CAMTA1: variants seen among roughly 807,000 people sequenced by gnomAD.
The protein encoded by CAMTA1 is calmodulin binding transcription activator 1.
A neutral mutation model predicts 170.9 loss-of-function variants in CAMTA1; 27 were observed. The observed-to-expected ratio is 0.16, with a 90% CI of 0.12 to 0.22. The LOEUF is 0.22. Among genes scored for constraint, CAMTA1 ranks in the 10% least tolerant of loss-of-function variants. CAMTA1 has a pLI of 1.00. For synonymous variants in CAMTA1, 833 were observed against 891.5 expected, an observed-to-expected ratio of 0.93 and a Z score of 1.17; for missense variants, 1,619 against 2,217.2, an observed-to-expected ratio of 0.73 and a Z score of 5.42.
intron 6 of CAMTA1, among the ~76,000 whole-genome samples, chr1:7,624,482 C>T (rs111235891): frequency 6.0e-4 from 92 of 152,338 alleles, no homozygotes; most frequent in African/African-American, 2.1e-3. Flanking sequence ...CCAGTAAATT[C>T]GCATGCAGAA....
chr1:7,333,587 T>A lies in CAMTA1; in HGVS notation c.438+83961T>A, dbSNP rs763096255. Among the ~76,000 whole-genome samples, 4 of 152,152 alleles carry A rather than the reference T, an allele frequency of 2.6e-5. No homozygotes were observed. Among genetic ancestry groups the A allele is most frequent in the Non-Finnish European group, 5.9e-5 (4 of 68,012 alleles). On this transcript the variant is annotated intron_variant, in intron 5 of 22. Coordinates refer to ENST00000303635, the MANE Select transcript of CAMTA1 (RefSeq NM_015215.4). The surrounding 1 kb of genome is among the most constrained non-coding windows in gnomAD (Gnocchi z 4.4). Reference sequence around the variant, plus strand: ...TCATATTGGATCCAGGAAGACAACTTTGTGAAAGGAAAAGGCTGAGGGGCT... The same window carrying A: ...TCATATTGGATCCAGGAAGACAACTATGTGAAAGGAAAAGGCTGAGGGGCT...
chr1:6,961,977 C>T (rs944888685), intron 3 of CAMTA1, among the ~76,000 whole-genome samples: 1 of 152,242 alleles, frequency 6.6e-6, no homozygotes, highest in African/African-American at 2.4e-5. Context: ...AGTCCAGCGT[C>T]TTCCGGTATG....
At chr1:7,011,243 C>T (rs1281317494) in intron 3 of CAMTA1, among the ~76,000 whole-genome samples, 3 of 152,256 alleles carry the variant, frequency 2.0e-5, no homozygotes, top group East Asian at 1.9e-4. Flanking sequence ...TCGCTCTTTT[C>T]GCCGAGACTG....
Position 7,523,617 on chromosome 1 carries a change from G to C in CAMTA1, c.510+55716G>C, listed in dbSNP as rs145808926. ...TTTTTGGCCGGGTGCGGTGGCTCAC[G>C]CCTATAATCCCAGCACTTTGGGAGG... On this transcript the variant is annotated intron_variant, in intron 6 of 22. Transcript: ENST00000303635. Among the ~76,000 whole-genome samples, 192 of 152,194 alleles carry C rather than the reference G, an allele frequency of 1.3e-3. 1 individual carries two copies. Among genetic ancestry groups the C allele is most frequent in the African/African-American group, 4.2e-3 (173 of 41,520 alleles).
intron 5 of CAMTA1, among the ~76,000 whole-genome samples, chr1:7,375,505 A>G (rs946095257): frequency 6.6e-6 from 1 of 152,180 alleles, no homozygotes; most frequent in African/African-American, 2.4e-5. Context: ...GCGGACGCAC[A>G]TGGTGTGTTG....
At chr1:6,951,119 A>G (rs1339325231) in intron 3 of CAMTA1, among the ~76,000 whole-genome samples, 1 of 152,198 alleles carries the variant, frequency 6.6e-6, no homozygotes, top group Non-Finnish European at 1.5e-5. Context: ...ATAGGACCCA[A>G]GACAGGTCCT....
At chr1:7,185,592 G>A (rs114537997) in intron 4 of CAMTA1, among the ~76,000 whole-genome samples, 2,813 of 152,248 alleles carry the variant, frequency 0.018, 45 homozygotes, top group Middle Eastern at 0.054. Flanking sequence ...TTTCAAAGGG[G>A]GAATTACAAT....
intron 3 of CAMTA1, chr1:6,852,977 T>C (rs1660988837): frequency 1.4e-5 from 1 of 69,154 alleles, no homozygotes; most frequent in Non-Finnish European, 3.3e-5. Context: ...TCTGCTCTTC[T>C]TACTACCGTG....
intron 3 of CAMTA1, among the ~76,000 whole-genome samples, chr1:6,929,972 C>T (rs750046168): frequency 3.0e-4 from 46 of 152,238 alleles, no homozygotes; most frequent in East Asian, 9.6e-4. Flanking sequence ...TGGTCTTGAC[C>T]GTGCTCTCGT....
At chr1:6,995,295 CTTTTTTTT>C (rs765139922) in intron 3 of CAMTA1, among the ~76,000 whole-genome samples, 1 of 60,624 alleles carries the variant, frequency 1.6e-5, no homozygotes, top group Non-Finnish European at 2.9e-5. Context: ...TTTTTCTTTT[CTTTTTTTT>C]TTTTTTTTTT....
intron 11 of CAMTA1, among the ~76,000 whole-genome samples, chr1:7,717,175 G>A (rs146791137): frequency 2.2e-4 from 34 of 152,218 alleles, no homozygotes; most frequent in Admixed American, 7.8e-4. Flanking sequence ...TTAGACAGGA[G>A]GAATCAGTTC....
chr1:6,988,255 A>T (rs1017671734), intron 3 of CAMTA1, among the ~76,000 whole-genome samples: 1 of 152,094 alleles, frequency 6.6e-6, no homozygotes, highest in African/African-American at 2.4e-5. Flanking sequence ...ACGCTCCGAA[A>T]GCTGGTGCTG....
At chr1:7,095,533 T>A (rs1272211136) in intron 4 of CAMTA1, among the ~76,000 whole-genome samples, 3 of 152,232 alleles carry the variant, frequency 2.0e-5, no homozygotes, top group Non-Finnish European at 4.4e-5. Flanking sequence ...GAACTGGAAC[T>A]TGAACCCAGT....
At chr1:7,139,876 G>A (rs747206212) in intron 4 of CAMTA1, among the ~76,000 whole-genome samples, 1 of 152,144 alleles carries the variant, frequency 6.6e-6, no homozygotes, top group African/African-American at 2.4e-5. Flanking sequence ...TTTTATTTTA[G>A]TCCATCAGGG....
intron 5 of CAMTA1, among the ~76,000 whole-genome samples, chr1:7,276,299 A>ATTTTTTTTTTTTTT (rs1440153127): frequency 9.3e-5 from 2 of 21,398 alleles, no homozygotes; most frequent in Non-Finnish European, 1.3e-4. Flanking sequence ...ATATATATAT[A>ATTTTTTTTTTTTTT]TATATTTTTT....
intron 14 of CAMTA1, 109 bp from the exon 15 acceptor site, chr1:7,737,146 C>T (rs1303708394): frequency 3.7e-6 from 5 of 1,339,832 alleles, no homozygotes; most frequent in Non-Finnish European, 5.3e-6. Flanking sequence ...TCAATGGCCC[C>T]ACCGAGATTG....
At chr1:7,015,051 A>G (rs1253226539) in intron 3 of CAMTA1, among the ~76,000 whole-genome samples, 4 of 152,212 alleles carry the variant, frequency 2.6e-5, no homozygotes, top group African/African-American at 9.7e-5. Context: ...ATTCTTTCTC[A>G]GAACAGATGC....
At chr1:7,715,515 C>G (rs986953336) in intron 11 of CAMTA1, among the ~76,000 whole-genome samples, 1 of 151,910 alleles carries the variant, frequency 6.6e-6, no homozygotes, top group Non-Finnish European at 1.5e-5. Flanking sequence ...TCACTGCAGC[C>G]TTGAACTCCT....
intron 2 of CAMTA1, among the ~76,000 whole-genome samples, chr1:6,824,497 T>G (rs1192618683): frequency 6.6e-6 from 1 of 152,160 alleles, no homozygotes; most frequent in African/African-American, 2.4e-5. Flanking sequence ...TATATGTAAA[T>G]CAAGTTAATT....
Sources: allele counts gnomAD v4.1 joint callset (sites outside exome capture counted in the v4.1 genomes callset), GRCh38; gene constraint gnomAD v4.1.1; non-coding constraint Gnocchi (gnomAD v3.1); transcripts MANE v1.5; gene names NCBI Gene and HGNC (gene_info 2026-07-23, HGNC 2026-07-21).